MYH4: variants seen among roughly 807,000 people sequenced by gnomAD.
The protein encoded by MYH4 is myosin heavy chain 4.
A neutral mutation model predicts 229.9 loss-of-function variants in MYH4; 200 were observed. That is an observed-to-expected ratio of 0.87 (90% CI 0.78 to 0.98). The LOEUF (loss-of-function observed/expected upper bound fraction) is 0.98. Among genes scored for constraint, MYH4 ranks in the 50% least tolerant of loss-of-function variants. The probability of loss-of-function intolerance (pLI) is 0.00; values close to 1 mark genes in which losing one functional copy is unlikely to be tolerated. For synonymous variants in MYH4, 761 were observed against 834.6 expected (o/e 0.91, Z 1.52); for missense variants, 2,148 against 2,332.6 (o/e 0.92, Z 1.63).
rs776742656 is a variant in MYH4, at chr17:10,456,528, T to C, written c.1925A>G (p.Lys642Arg). ...AEGGGGKKGG[K>R]KKGSSFQTVS... Reference sequence around the variant, plus strand: ...TGTCTGGAAAGAAGAACCCTTCTTTTTGCCACCTTTCTTTCCACCACCACC... The same window carrying C: ...TGTCTGGAAAGAAGAACCCTTCTTTCTGCCACCTTTCTTTCCACCACCACC... The change falls in exon 17 of 40, where the codon AAA (lysine) becomes AGA (arginine). Residue 642 changes from lysine (K) to arginine (R), a missense_variant. Physicochemically the swap from Lys to Arg is conservative, Grantham distance 26. Coordinates refer to ENST00000255381, the MANE Select transcript of MYH4 (RefSeq NM_017533.2). The C allele has an allele frequency of 4.3e-6, 7 of 1,613,928 alleles. No homozygotes were observed. In the South Asian group the frequency reaches 4.4e-5, roughly 10 times the overall value.
chr17:10,448,283 T>C (rs933942162), intron 33 of MYH4, 113 bp downstream of exon 33: 8 of 1,337,370 alleles, frequency 6.0e-6, no homozygotes, highest in Non-Finnish European at 8.0e-6. Context: ...ATTCAGTATT[T>C]TTCACTGAAT....
intron 12 of MYH4, 148 bp downstream of exon 12, chr17:10,460,768 G>A: frequency 1.3e-6 from 1 of 768,000 alleles, no homozygotes; most frequent in Admixed American, 2.7e-5. Flanking sequence ...GCTAAATAAT[G>A]TAAAACGTCA....
chr17:10,461,069 G>C lies in MYH4; in HGVS notation c.1009-15C>G, dbSNP rs759930480. Reference sequence around the variant, plus strand: ...TCCACAGCACTCTGTCAAAAGAGTTGAATTTGCTCATCCCCAATTAGCACC... The same window carrying C: ...TCCACAGCACTCTGTCAAAAGAGTTCAATTTGCTCATCCCCAATTAGCACC... On this transcript the variant is annotated splice_polypyrimidine_tract_variant and intron_variant, in intron 11 of 39. Coordinates refer to ENST00000255381, the MANE Select transcript of MYH4 (RefSeq NM_017533.2). 2 of 1,613,538 alleles carry C rather than the reference G, an allele frequency of 1.2e-6. No homozygotes were observed. Among genetic ancestry groups the C allele is most frequent in the South Asian group, 2.2e-5 (2 of 90,980 alleles).
chr17:10,453,751 G>C lies in MYH4; in HGVS notation c.2826C>G (p.Ala942=), dbSNP rs1278151256. 2 of 1,613,890 alleles carry C rather than the reference G, an allele frequency of 1.2e-6. No homozygotes were observed. The highest frequency in any genetic ancestry group is 1.7e-6 in the Non-Finnish European group (2 of 1,179,970). ...DEEEINAELT[A]KKRKLEDECS... ...ATTCATCCTCCAGTTTCCTCTTCTT[G>C]GCTGTCAGCTCAGCATTGATCTCTT... The change falls in exon 23 of 40, where the codon GCC becomes GCG. Residue 942 remains alanine, a synonymous_variant. Coordinates refer to ENST00000255381, the MANE Select transcript of MYH4 (RefSeq NM_017533.2).
chr17:10,462,479 A>T (rs2072713271), intron 11 of MYH4, among the ~76,000 whole-genome samples: 1 of 152,224 alleles, frequency 6.6e-6, no homozygotes, highest in African/African-American at 2.4e-5. Flanking sequence ...GTAGAAGAAC[A>T]GTGGGAGTTC....
intron 35 of MYH4, 107 bp downstream of exon 35, chr17:10,446,906 T>A: frequency 8.6e-7 from 1 of 1,165,432 alleles, no homozygotes. Context: ...TTTCCAGAGC[T>A]CCAGGAAGGG....
intron 5 of MYH4, 99 bp from the exon 6 acceptor site, chr17:10,464,807 ATT>A: frequency 8.6e-7 from 1 of 1,159,674 alleles, no homozygotes; most frequent in Non-Finnish European, 1.2e-6. Flanking sequence ...AAAACTCCCC[ATT>A]TGCAAAAATA....
At chr17:10,467,177 A>G (rs1372932936) in intron 2 of MYH4, among the ~76,000 whole-genome samples, 1 of 152,216 alleles carries the variant, frequency 6.6e-6, no homozygotes, top group Non-Finnish European at 1.5e-5. Context: ...GAAATGGACA[A>G]TAACTGTTTC....
At chr17:10,465,032 T>C (rs1365800217) in intron 5 of MYH4, among the ~76,000 whole-genome samples, 2 of 152,350 alleles carry the variant, frequency 1.3e-5, no homozygotes, top group East Asian at 3.9e-4. Flanking sequence ...ATTATGTCAA[T>C]GTCCAATTTA....
chr17:10,466,435 A>G lies in MYH4; in HGVS notation c.205-19T>C, dbSNP rs528094943. On this transcript the variant is annotated intron_variant, in intron 3 of 39. Coordinates refer to ENST00000255381, the MANE Select transcript of MYH4 (RefSeq NM_017533.2). ...TTACAGTCTGTTAAGAAAAGAAAAA[A>G]CAAGTGCATATCAAATAAGTAGCAG... is the stretch of plus-strand genomic sequence containing the variant. 8.4e-5 allele frequency: 135 copies of G among 1,613,210 alleles called. No homozygotes were observed. In the South Asian group the frequency reaches 1.4e-3, roughly 17 times the overall value.
Position 10,460,909 on chromosome 17 carries a change from G to A in MYH4, c.1147+7C>T, listed in dbSNP as rs369915498. 2.5e-6 allele frequency: 4 copies of A among 1,613,700 alleles called. No homozygotes were observed. Among genetic ancestry groups the A allele is most frequent in the African/African-American group, 1.3e-5 (1 of 74,892 alleles). The stretch of plus-strand genomic sequence containing the variant: ...GTCAAGTGGAAGATACCAACAGGGG[G>A]TGGTACCTTCCGTGCCATCTGGCTC... On this transcript the variant is annotated splice_region_variant and intron_variant, in intron 12 of 39. Transcript: ENST00000255381.
Position 10,453,812 on chromosome 17 carries a change from T to C in MYH4, c.2765A>G (p.Lys922Arg). ...LIKTKIQLEA[K>R]IKEVTERAED... ...AGCTCTTTCAGTTACCTCTTTGATTTTGGCCTCAAGTTGGATTTTGGTTTT... is the reference window on the plus strand; with the variant it reads ...AGCTCTTTCAGTTACCTCTTTGATTCTGGCCTCAAGTTGGATTTTGGTTTT... Residue 922 changes from lysine (K) to arginine (R), a missense_variant, in exon 23 of 40, where the codon AAA (lysine) becomes AGA (arginine). Transcript: ENST00000255381. 1.2e-6 allele frequency: 2 copies of C among 1,614,160 alleles called. No homozygotes were observed. Among genetic ancestry groups the C allele is most frequent in the South Asian group, 1.1e-5 (1 of 91,088 alleles).
In MYH4 at chr17:10,447,826, T is replaced by G; in HGVS notation, c.4957A>C (p.Ile1653Leu). The change falls in exon 34 of 40, where the codon ATA (isoleucine) becomes CTA (leucine). Residue 1653 changes from isoleucine to leucine, a missense_variant. By Grantham distance (5) the Ile-to-Leu change is conservative. Coordinates refer to ENST00000255381, the MANE Select transcript of MYH4 (RefSeq NM_017533.2). The stretch of plus-strand genomic sequence containing the variant: ...TATTTACCCCAGCATACCTTCAGTA[T>G]TCCTTGTGTGTTTCTAAGATTCCTT... Reference protein sequence around the residue: ...ALRNLRNTQGILKDTQLHLDD... With the variant: ...ALRNLRNTQGLLKDTQLHLDD... 6.2e-7 allele frequency: 1 copy of G among 1,610,098 alleles called. No homozygotes were observed. The highest frequency in any genetic ancestry group is 8.5e-7 in the Non-Finnish European group (1 of 1,177,842).
Position 10,455,328 on chromosome 17 carries a change from T to C in MYH4, c.2175-33A>G, listed in dbSNP as rs2072627215. The stretch of plus-strand genomic sequence containing the variant: ...AATAAAAAGAATATAAAAATGTGGT[T>C]TTTCTTCACTGAAAAAAACAGTAGA... On this transcript the variant is annotated intron_variant, in intron 19 of 39. Transcript: ENST00000255381. 3.8e-6 allele frequency: 6 copies of C among 1,588,260 alleles called. No homozygotes were observed. The Admixed American group carries it at 1.1e-4, about 29-fold the overall frequency.
intron 15 of MYH4, among the ~76,000 whole-genome samples, chr17:10,458,465 G>T (rs781219597): frequency 7.8e-4 from 118 of 152,110 alleles, no homozygotes; most frequent in Non-Finnish European, 1.5e-3. Context: ...TCCCCAAATT[G>T]TGCAGACCTA....
chr17:10,464,052 G>A (rs1370760269), intron 7 of MYH4, among the ~76,000 whole-genome samples: 1 of 152,174 alleles, frequency 6.6e-6, no homozygotes, highest in Non-Finnish European at 1.5e-5. Flanking sequence ...ACATGTGCAA[G>A]TTTGTACATG....
chr17:10,446,762 A>G (rs1490129711), intron 35 of MYH4, among the ~76,000 whole-genome samples: 1 of 152,168 alleles, frequency 6.6e-6, no homozygotes, highest in Non-Finnish European at 1.5e-5. Context: ...GTTTATTTGT[A>G]GATGGTCTTC....
At chr17:10,463,967 T>G (rs1358359902) in intron 7 of MYH4, among the ~76,000 whole-genome samples, 1 of 152,204 alleles carries the variant, frequency 6.6e-6, no homozygotes, top group Admixed American at 6.5e-5. Flanking sequence ...CTGGCATCAC[T>G]TGCAATTGGC....
In MYH4 at chr17:10,453,334, G is replaced by C. The variant is rs1197802325; in HGVS notation, c.2935-6C>G. On this transcript the variant is annotated splice_polypyrimidine_tract_variant and splice_region_variant and intron_variant, in intron 23 of 39. Coordinates refer to ENST00000255381, the MANE Select transcript of MYH4 (RefSeq NM_017533.2). Reference sequence around the variant, plus strand: ...TCTTCTGTGAGGTTTTTCACCTTTAGATTAGAACAGATGACCAGAATGTCA... The same window carrying C: ...TCTTCTGTGAGGTTTTTCACCTTTACATTAGAACAGATGACCAGAATGTCA... 1.2e-6 allele frequency: 2 copies of C among 1,613,926 alleles called. No homozygotes were observed. The highest frequency in any genetic ancestry group is 3.3e-4 in the Middle Eastern group (2 of 6,062).
Sources: gnomAD v4.1 joint callset for allele counts (sites outside exome capture counted in the v4.1 genomes callset) on GRCh38, gnomAD v4.1.1 for gene constraint, MANE v1.5 for transcripts, NCBI Gene and HGNC (gene_info 2026-07-23, HGNC 2026-07-21) for gene names.